The following MIGA1 variants were observed in gnomAD, a reference collection of about 807,000 sequenced individuals.
The protein encoded by MIGA1 is mitoguardin 1, also known as family with sequence similarity 73, member A.
MIGA1 carries 58 observed loss-of-function variants against 82.0 expected under a neutral mutation model. That is an observed-to-expected ratio of 0.71 (90% CI 0.57 to 0.88). The LOEUF (loss-of-function observed/expected upper bound fraction) is 0.88. MIGA1 is among the 40% of genes least tolerant of loss of function. MIGA1 has a pLI of 0.00. For missense variants in MIGA1, 751 were observed against 749.1 expected, an observed-to-expected ratio of 1.00 and a Z score of -0.03; for synonymous variants, 249 against 253.6, an observed-to-expected ratio of 0.98 and a Z score of 0.17.
chr1:77,872,784 G>T (rs1020628671), intron 14 of MIGA1, among the ~76,000 whole-genome samples: 1 of 152,176 alleles, frequency 6.6e-6, no homozygotes, highest in Non-Finnish European at 1.5e-5. Context: ...CATGAGCCCT[G>T]CACTATAGTG....
intron 11 of MIGA1, chr1:77,860,572 T>G (rs1367812581): frequency 6.5e-6 from 1 of 154,282 alleles, no homozygotes; most frequent in African/African-American, 2.4e-5. Flanking sequence ...CCACCTTACT[T>G]TATGCAAGGT....
chr1:77,848,772 A>C (rs537404002), intron 8 of MIGA1: 2 of 1,333,772 alleles, frequency 1.5e-6, no homozygotes, highest in Admixed American at 2.1e-5. Flanking sequence ...AGGTTAATGC[A>C]AAGAGCTATA....
chr1:77,863,660 A>G (rs1685554404), intron 12 of MIGA1, among the ~76,000 whole-genome samples: 1 of 152,242 alleles, frequency 6.6e-6, no homozygotes, highest in Admixed American at 6.5e-5. Flanking sequence ...AAGGACTCCT[A>G]GAATAGAGAG....
At chr1:77,849,013 T>C (rs550960079) in intron 8 of MIGA1, among the ~76,000 whole-genome samples, 6 of 152,302 alleles carry the variant, frequency 3.9e-5, no homozygotes, top group South Asian at 2.1e-4. Context: ...TATGTACTTA[T>C]CAATACCACA....
rs1646887476 is a variant in MIGA1, at chr1:77,875,537, T to G, written c.*473T>G. 1 of 158,270 alleles carries G rather than the reference T, an allele frequency of 6.3e-6. No individual in the cohort carries two copies. The highest frequency in any genetic ancestry group is 2.4e-5 in the African/African-American group (1 of 41,480). 9.8% of individuals were successfully genotyped at this position (158,270 alleles called of 1,614,324 possible). A position where few individuals can be genotyped will look rare whatever the true frequency, so the allele number is the denominator to read the frequency against. On this transcript the variant is annotated 3_prime_UTR_variant, in exon 16 of 16. Coordinates refer to ENST00000370791, the MANE Select transcript of MIGA1 (RefSeq NM_198549.4). ...TTAATTATAAAGTTATTCATTTGTT[T>G]AATCAAGTTTAGGCAGTAATGATGT...
intron 4 of MIGA1, among the ~76,000 whole-genome samples, chr1:77,805,076 G>A (rs2101762716): frequency 6.8e-6 from 1 of 146,306 alleles, no homozygotes; most frequent in African/African-American, 2.5e-5. Context: ...CTCACTGCAA[G>A]CTCTGCCTCC....
chr1:77,843,967 G>A (rs1684720711), intron 8 of MIGA1, among the ~76,000 whole-genome samples: 1 of 151,514 alleles, frequency 6.6e-6, no homozygotes, highest in Admixed American at 6.6e-5. Context: ...AGATGTGGTA[G>A]TGAGTAGCCT....
chr1:77,874,442 G>C (rs1476009385), intron 15 of MIGA1, among the ~76,000 whole-genome samples: 1 of 152,046 alleles, frequency 6.6e-6, no homozygotes, highest in Non-Finnish European at 1.5e-5. Context: ...TTCTGTCTTA[G>C]AGTAGAGGCA....
chr1:77,801,263 T>G, intron 2 of MIGA1, 68 bp from the exon 3 acceptor site: 1 of 1,146,934 alleles, frequency 8.7e-7, no homozygotes, highest in Non-Finnish European at 1.2e-6. Context: ...TAAGTTTAGT[T>G]ATTAGGTCCT....
chr1:77,804,964 A>G (rs182338629), intron 4 of MIGA1, among the ~76,000 whole-genome samples: 1 of 140,324 alleles, frequency 7.1e-6, no homozygotes, highest in East Asian at 2.1e-4. Flanking sequence ...AGAACACCAT[A>G]TTCTGTTCTG....
intron 1 of MIGA1, among the ~76,000 whole-genome samples, chr1:77,781,989 AT>A (rs560096907): frequency 6.0e-3 from 865 of 144,666 alleles, no homozygotes; most frequent in South Asian, 6.6e-3. Context: ...GTAGCAAATA[AT>A]TTTTTTTTTT....
intron 13 of MIGA1, among the ~76,000 whole-genome samples, 178 bp downstream of exon 13, chr1:77,864,206 CAA>C (rs879581853): frequency 3.9e-5 from 5 of 128,626 alleles, no homozygotes; most frequent in African/African-American, 5.8e-5. Flanking sequence ...ACTAAAAATA[CAA>C]AAAAAAAAAA....
In MIGA1 at chr1:77,858,878, A is replaced by G. The variant is rs551679906; in HGVS notation, c.997-60A>G. 4 of 932,828 alleles carry G rather than the reference A, an allele frequency of 4.3e-6. No homozygotes were observed. In the African/African-American group the frequency reaches 6.5e-5, roughly 15 times the overall value. The allele number at this position is 932,828 out of a possible 1,614,324, so 57.8% of individuals were successfully genotyped here. A position where few individuals can be genotyped will look rare whatever the true frequency, so the allele number is the denominator to read the frequency against. ...CAAATGATCCTCCCAAAGTGTTGCA[A>G]TTACAGGCATGAGCCACTGCACCTA... is the stretch of plus-strand genomic sequence containing the variant. On this transcript the variant is annotated intron_variant, in intron 8 of 15. Coordinates refer to ENST00000370791, the MANE Select transcript of MIGA1 (RefSeq NM_198549.4).
intron 2 of MIGA1, among the ~76,000 whole-genome samples, chr1:77,785,345 A>T (rs920242163): frequency 2.2e-4 from 32 of 145,408 alleles, no homozygotes; most frequent in Admixed American, 2.8e-4. Context: ...GCAGTCAAAA[A>T]TTTTTTTTTT....
intron 2 of MIGA1, among the ~76,000 whole-genome samples, chr1:77,794,039 T>A (rs1682552866): frequency 6.6e-6 from 1 of 152,136 alleles, no homozygotes; most frequent in Non-Finnish European, 1.5e-5. Flanking sequence ...TCTGCCCGCC[T>A]CAGCCTCCCA....
chr1:77,799,865 A>C (rs1002184020), intron 2 of MIGA1, among the ~76,000 whole-genome samples: 2 of 151,742 alleles, frequency 1.3e-5, no homozygotes, highest in African/African-American at 4.8e-5. Context: ...CAAAAAAAAA[A>C]ACCAGCTGTT....
chr1:77,847,070 C>A (rs1254984336), intron 8 of MIGA1: 15 of 767,250 alleles, frequency 2.0e-5, no homozygotes, highest in South Asian at 1.8e-4. Flanking sequence ...AGAAACTACA[C>A]CAACAGTAGG....
chr1:77,848,761 C>T lies in MIGA1; in HGVS notation c.996+5354C>T, dbSNP rs369330475. On this transcript the variant is annotated intron_variant, in intron 8 of 15. Coordinates refer to ENST00000370791, the MANE Select transcript of MIGA1 (RefSeq NM_198549.4). The stretch of plus-strand genomic sequence containing the variant: ...CAGGTACTTGGCCAGGCAGATGGTG[C>T]AGGTTAATGCAAAGAGCTATATTGA... The T allele has an allele frequency of 2.4e-5, 32 of 1,361,284 alleles. No individual in the cohort carries two copies. The South Asian group carries it at 3.2e-4, about 13-fold the overall frequency. The allele number at this position is 1,361,284 out of a possible 1,614,324, so 84.3% of individuals were successfully genotyped here.
At chr1:77,782,305 T>C (rs1681955881) in intron 1 of MIGA1, among the ~76,000 whole-genome samples, 1 of 152,236 alleles carries the variant, frequency 6.6e-6, no homozygotes, top group Non-Finnish European at 1.5e-5. Flanking sequence ...AGGCGTTTTC[T>C]TGGCCTGAAT....
Sources: allele counts gnomAD v4.1 joint callset (sites outside exome capture counted in the v4.1 genomes callset), GRCh38; gene constraint gnomAD v4.1.1; transcripts MANE v1.5; gene names NCBI Gene and HGNC (gene_info 2026-07-23, HGNC 2026-07-21).